The following SASH1 variants were observed in gnomAD, a reference collection of about 807,000 sequenced individuals.
SASH1 encodes the protein SAM and SH3 domain containing 1, also known as SAM and SH3 domain-containing protein 1.
In SASH1, 44 loss-of-function variants were observed where a neutral mutation model predicts 125.2. The observed-to-expected ratio is 0.35, with a 90% CI of 0.28 to 0.45. The LOEUF (loss-of-function observed/expected upper bound fraction) is 0.45, where lower values mean the gene tolerates loss of function less well. Ranked by LOEUF, SASH1 falls within the 20% of genes least tolerant of loss-of-function variation. SASH1 has a pLI of 1.00. For missense variants in SASH1, 1,426 were observed against 1,614.5 expected (o/e 0.88, Z 2.00); for synonymous variants, 639 against 649.1 (o/e 0.98, Z 0.24).
Position 148,297,063 on chromosome 6 carries a change from A to T in SASH1, n.74+24686A>T, listed in dbSNP as rs118072502. Among the ~76,000 whole-genome samples, 837 of 152,320 alleles carry T rather than the reference A, an allele frequency of 5.5e-3. 2 individuals are homozygous for T. The highest frequency in any genetic ancestry group is 7.3e-3 in the Non-Finnish European group (497 of 68,026). ...TTCTTAAAATTTCTAGTATTTCCATATGGACAGGACTGCTGCTCTTCCAGA... is the reference window on the plus strand; with the variant it reads ...TTCTTAAAATTTCTAGTATTTCCATTTGGACAGGACTGCTGCTCTTCCAGA... On this transcript the variant is annotated intron_variant and non_coding_transcript_variant, in intron 1 of 3. Coordinates refer to the SASH1 transcript ENST00000367469.
At chr6:148,331,916 T>C (rs372142146) in intron 1 of SASH1, among the ~76,000 whole-genome samples, 15 of 151,832 alleles carry the variant, frequency 9.9e-5, no homozygotes, top group African/African-American at 3.6e-4. Flanking sequence ...ACTCCCAGGC[T>C]CAAGTGATCC....
intron 8 of SASH1, among the ~76,000 whole-genome samples, chr6:148,488,567 A>G (rs1583242104): frequency 6.6e-6 from 1 of 152,218 alleles, no homozygotes; most frequent in Admixed American, 6.5e-5. Context: ...TTTTTGAGGA[A>G]CCGCCATATG....
At chr6:148,326,503 C>G (rs1780834675) in intron 1 of SASH1, among the ~76,000 whole-genome samples, 1 of 148,516 alleles carries the variant, frequency 6.7e-6, no homozygotes, top group African/African-American at 2.5e-5. Flanking sequence ...CTCCCGGGTT[C>G]AAGCAATTCT....
chr6:148,357,888 C>T (rs559212992), intron 1 of SASH1, among the ~76,000 whole-genome samples: 3 of 151,746 alleles, frequency 2.0e-5, no homozygotes, highest in African/African-American at 4.8e-5. Flanking sequence ...GATGAAACCC[C>T]GTCTCTACTA....
At chr6:148,432,682 G>T (rs1305296538) in intron 2 of SASH1, among the ~76,000 whole-genome samples, 1 of 152,196 alleles carries the variant, frequency 6.6e-6, no homozygotes, top group East Asian at 1.9e-4. Flanking sequence ...AGGGGGATTT[G>T]TCCCTCCTGC....
chr6:148,486,720 G>C (rs1478685106), intron 7 of SASH1, among the ~76,000 whole-genome samples: 1 of 143,336 alleles, frequency 7.0e-6, no homozygotes, highest in East Asian at 2.0e-4. Context: ...TTTGAGACCA[G>C]CCTGGGCAAC....
At chr6:148,249,069 TGAA>T in the SASH1 span, among the ~76,000 whole-genome samples, 1 of 130,352 alleles carries the variant, frequency 7.7e-6, no homozygotes, top group Non-Finnish European at 1.7e-5. Context: ...GAATAACTGA[TGAA>T]TGAATGAATG....
intron 4 of SASH1, among the ~76,000 whole-genome samples, chr6:148,464,944 C>G (rs1777767890): frequency 1.3e-5 from 2 of 152,068 alleles, no homozygotes; most frequent in African/African-American, 4.8e-5. Context: ...CTGCTGGCAT[C>G]CTGGGGAAGT....
In SASH1 at chr6:148,417,059, T is replaced by C. The variant is rs566486365; in HGVS notation, c.286-23125T>C. ...GCTCATAGCTAGGTCTGTGAGTAGG[T>C]GGAAGAGACTCAGTCACTGAACATG... On this transcript the variant is annotated intron_variant, in intron 2 of 19. Transcript: ENST00000367467. 4.1e-4 allele frequency among the ~76,000 whole-genome samples: 63 copies of C among 152,148 alleles called. No homozygotes were observed. In the South Asian group the frequency reaches 7.9e-3, roughly 19 times the overall value.
intron 1 of SASH1, among the ~76,000 whole-genome samples, chr6:148,361,954 C>T (rs1282088465): frequency 6.8e-6 from 1 of 146,398 alleles, no homozygotes; most frequent in Non-Finnish European, 1.5e-5. Context: ...CACTCTGTCG[C>T]CCAGGCTGGA....
intron 1 of SASH1, among the ~76,000 whole-genome samples, chr6:148,299,289 A>T (rs990979511): frequency 6.6e-6 from 1 of 150,540 alleles, no homozygotes; most frequent in African/African-American, 2.4e-5. Context: ...CATTACAAAG[A>T]TTTTTTTTGT....
the SASH1 span, among the ~76,000 whole-genome samples, chr6:148,236,423 G>A: frequency 6.6e-6 from 1 of 152,098 alleles, no homozygotes; most frequent in African/African-American, 2.4e-5. Context: ...TGTTGGCCAG[G>A]CTGGTCTTGA....
chr6:148,399,894 C>T (rs1450692675), intron 2 of SASH1, among the ~76,000 whole-genome samples: 1 of 152,138 alleles, frequency 6.6e-6, no homozygotes, highest in African/African-American at 2.4e-5. Flanking sequence ...TTTTTGGAGC[C>T]TGGAATATTA....
At chr6:148,546,193 C>T (rs768842021) in intron 19 of SASH1, 47 bp downstream of exon 19, 2 of 1,600,216 alleles carry the variant, frequency 1.2e-6, no homozygotes, top group East Asian at 2.2e-5. Flanking sequence ...ATTTAGTGAT[C>T]ACGCTTAGTG....
chr6:148,247,845 C>G, the SASH1 span, among the ~76,000 whole-genome samples: 1 of 152,224 alleles, frequency 6.6e-6, no homozygotes, highest in Non-Finnish European at 1.5e-5. Flanking sequence ...GCCACCCTGG[C>G]CACTCTGGCC....
chr6:148,335,811 T>A (rs1017139534), intron 1 of SASH1, among the ~76,000 whole-genome samples: 1 of 152,088 alleles, frequency 6.6e-6, no homozygotes, highest in African/African-American at 2.4e-5. Context: ...CCACCCGAGG[T>A]AAACTCCCAG....
intron 2 of SASH1, among the ~76,000 whole-genome samples, chr6:148,397,135 C>T (rs906200543): frequency 1.1e-4 from 16 of 152,100 alleles, no homozygotes; most frequent in African/African-American, 3.9e-4. Context: ...AGCATCCTGC[C>T]ATTGTTTCAT....
chr6:148,368,308 T>C (rs1782558154), intron 1 of SASH1, among the ~76,000 whole-genome samples: 1 of 152,176 alleles, frequency 6.6e-6, no homozygotes, highest in African/African-American at 2.4e-5. Flanking sequence ...ACAGAGTCTG[T>C]TGCCCAGGTT....
chr6:148,365,803 A>G (rs1282703324), intron 1 of SASH1, among the ~76,000 whole-genome samples: 1 of 151,644 alleles, frequency 6.6e-6, no homozygotes, highest in African/African-American at 2.4e-5. Context: ...ATGAAACCCC[A>G]TGTCTACAAA....
Sources: gnomAD v4.1 joint callset for allele counts (sites outside exome capture counted in the v4.1 genomes callset) on GRCh38, gnomAD v4.1.1 for gene constraint, MANE v1.5 for transcripts, NCBI Gene and HGNC (gene_info 2026-07-23, HGNC 2026-07-21) for gene names.